Variants in PNOC observed in about 807,000 individuals in gnomAD.
PNOC encodes prepronociceptin.
PNOC carries 10 observed loss-of-function variants against 15.6 expected under a neutral mutation model. The ratio of observed to expected loss-of-function variants is 0.64; its 90% confidence interval spans 0.40 to 1.09. The LOEUF is 1.09. Among genes scored for constraint, PNOC ranks in the 50% least tolerant of loss-of-function variants. The probability of loss-of-function intolerance (pLI) is 0.01; values close to 1 mark genes in which losing one functional copy is unlikely to be tolerated. For synonymous variants in PNOC, 98 were observed against 88.5 expected (o/e 1.11, Z -0.60); for missense variants, 220 against 223.9 (o/e 0.98, Z 0.11).
chr8:28,338,690 G>T (rs1430533156), intron 2 of PNOC: 1 of 1,029,166 alleles, frequency 9.7e-7, no homozygotes, highest in Non-Finnish European at 1.2e-6. Flanking sequence ...CATGAGCTGT[G>T]CTTGGCTCCA....
intron 1 of PNOC, among the ~76,000 whole-genome samples, chr8:28,321,645 T>C (rs1801154028): frequency 1.3e-5 from 2 of 152,186 alleles, no homozygotes; most frequent in Non-Finnish European, 2.9e-5. Context: ...CCTCTTCTTA[T>C]AGAGGGAAAA....
At chr8:28,322,468 C>A (rs1418508297) in intron 1 of PNOC, among the ~76,000 whole-genome samples, 1 of 152,102 alleles carries the variant, frequency 6.6e-6, no homozygotes, top group Non-Finnish European at 1.5e-5. Context: ...CAAGAGGAAG[C>A]CCTACATGAA....
chr8:28,318,844 C>G lies in PNOC; in HGVS notation c.-24+1528C>G, dbSNP rs544160812. Among the ~76,000 whole-genome samples, 10 of 152,354 alleles carry G rather than the reference C, an allele frequency of 6.6e-5. No homozygotes were observed. The South Asian group carries it at 2.1e-3, about 32-fold the overall frequency. ...CAGCCCCTGCTTTATCAGCTGAAGG[C>G]TGAGAGTACTTACGGATTTGTAAAA... On this transcript the variant is annotated intron_variant, in intron 1 of 3. Transcript: ENST00000301908.
At position 28,327,140 on chromosome 8, in the gene PNOC, C is replaced by A. The variant is rs192444657; in HGVS notation, c.-23-1995C>A. Among the ~76,000 whole-genome samples the A allele has an allele frequency of 1.6e-4, 25 of 152,314 alleles. 1 individual carries two copies. In the East Asian group the frequency reaches 4.0e-3, roughly 25 times the overall value. ...GTTTTGGCAAATGGATACACCCCTGCGACTTCAGTCAAGAACATTTACATT... is the reference window on the plus strand; with the variant it reads ...GTTTTGGCAAATGGATACACCCCTGAGACTTCAGTCAAGAACATTTACATT... On this transcript the variant is annotated intron_variant, in intron 1 of 3. Transcript: ENST00000301908.
At chr8:28,328,888 C>G (rs1163553537) in intron 1 of PNOC, among the ~76,000 whole-genome samples, 3 of 152,054 alleles carry the variant, frequency 2.0e-5, no homozygotes, top group African/African-American at 7.2e-5. Flanking sequence ...GTCCTGCCAC[C>G]CAGGACTAAC....
intron 1 of PNOC, among the ~76,000 whole-genome samples, chr8:28,325,514 G>A (rs1801210076): frequency 6.6e-6 from 1 of 151,870 alleles, no homozygotes; most frequent in African/African-American, 2.4e-5. Flanking sequence ...TTAGCTGGAT[G>A]TGGTGGTGTG....
intron 2 of PNOC, among the ~76,000 whole-genome samples, chr8:28,333,866 C>A (rs905645013): frequency 2.0e-5 from 3 of 152,194 alleles, no homozygotes; most frequent in South Asian, 2.1e-4. Flanking sequence ...CCAGCTCCCC[C>A]ACTCTACCCT....
At chr8:28,342,875 G>T (rs1801548223) in intron 3 of PNOC, 67 bp from the exon 4 acceptor site, 1 of 583,518 alleles carries the variant, frequency 1.7e-6, no homozygotes. Context: ...TCCGTCTCTA[G>T]GGGGAATAGA....
chr8:28,333,988 G>C (rs1368283305), intron 2 of PNOC, among the ~76,000 whole-genome samples: 1 of 151,944 alleles, frequency 6.6e-6, no homozygotes, highest in Non-Finnish European at 1.5e-5. Context: ...ATTATTTGTT[G>C]TGGGGGTTGT....
chr8:28,330,399 T>TTATTTTATTTTTTTTTTTTTTTTA (rs796269575), intron 2 of PNOC, among the ~76,000 whole-genome samples: 3 of 104,102 alleles, frequency 2.9e-5, no homozygotes, highest in Non-Finnish European at 4.3e-5. Flanking sequence ...TTATTTTATT[T>TTATTTTATTTTTTTTTTTTTTTTA]TTTTTTTTTT....
chr8:28,328,634 G>T (rs1801266027), intron 1 of PNOC, among the ~76,000 whole-genome samples: 1 of 152,110 alleles, frequency 6.6e-6, no homozygotes. Flanking sequence ...ACAGCACTTT[G>T]CAAAACTCCC....
chr8:28,322,039 C>T (rs1394937915), intron 1 of PNOC, among the ~76,000 whole-genome samples: 2 of 152,186 alleles, frequency 1.3e-5, no homozygotes, highest in African/African-American at 4.8e-5. Context: ...GATGGACATG[C>T]AGCTGGTGCA....
chr8:28,330,702 T>A (rs1801318938), intron 2 of PNOC, among the ~76,000 whole-genome samples: 3 of 151,808 alleles, frequency 2.0e-5, no homozygotes, highest in African/African-American at 2.4e-5. Flanking sequence ...ACGCCTGGCC[T>A]GTGCTCTTTA....
intron 2 of PNOC, among the ~76,000 whole-genome samples, chr8:28,332,670 G>A (rs1012897218): frequency 1.3e-5 from 2 of 152,094 alleles, no homozygotes; most frequent in African/African-American, 2.4e-5. Flanking sequence ...CTAAAATTTG[G>A]CCTGGTGCAG....
chr8:28,324,857 C>G (rs575069483), intron 1 of PNOC, among the ~76,000 whole-genome samples: 1 of 152,106 alleles, frequency 6.6e-6, no homozygotes, highest in South Asian at 2.1e-4. Context: ...AGTGAAACAT[C>G]GTCTCAAAAA....
At chr8:28,322,378 C>T (rs748959304) in intron 1 of PNOC, among the ~76,000 whole-genome samples, 3 of 151,890 alleles carry the variant, frequency 2.0e-5, no homozygotes, top group African/African-American at 4.8e-5. Flanking sequence ...GGCAACAGAG[C>T]GAGACTCCAT....
Position 28,339,399 on chromosome 8 carries a change from G to A in PNOC, c.486G>A (p.Gln162=). The A allele has an allele frequency of 6.4e-7, 1 of 1,560,324 alleles. No individual in the cohort carries two copies. Among genetic ancestry groups the A allele is most frequent in the Non-Finnish European group, 8.7e-7 (1 of 1,147,666 alleles). Residue 162 remains glutamine, a synonymous_variant, in exon 3 of 4, where the codon CAG becomes CAA. Transcript: ENST00000301908. ...GGCAATACTTGGTCCTGAGCATGCA[G>A]TCCAGCCAGCGCCGGCGCACCCTGC... ...FMRQYLVLSM[Q]SSQRRRTLHQ... is the part of the protein sequence containing the mutation.
At position 28,329,163 on chromosome 8, in the gene PNOC, A is replaced by G. The variant is rs1341349333; in HGVS notation, c.6A>G (p.Lys2=). Residue 2 remains lysine (K), a synonymous_variant, in exon 2 of 4, where the codon AAA becomes AAG. Transcript: ENST00000301908. The part of the protein sequence containing the change: M[K]VLLCDLLLLS... ...CTGCTTCCTGCTCCTGCACCATGAAAGTCCTGCTTTGTGACCTGCTGCTGC... is the reference window on the plus strand; with the variant it reads ...CTGCTTCCTGCTCCTGCACCATGAAGGTCCTGCTTTGTGACCTGCTGCTGC... 6.2e-7 allele frequency: 1 copy of G among 1,613,384 alleles called. No individual in the cohort carries two copies. The highest frequency in any genetic ancestry group is 1.3e-5 in the African/African-American group (1 of 74,818).
At chr8:28,317,700 C>T (rs1350748700) in intron 1 of PNOC, among the ~76,000 whole-genome samples, 1 of 151,882 alleles carries the variant, frequency 6.6e-6, no homozygotes, top group Non-Finnish European at 1.5e-5. Context: ...TTCCACGGGG[C>T]GGCCCCCAGG....
Sources: gnomAD v4.1 joint callset for allele counts (sites outside exome capture counted in the v4.1 genomes callset) on GRCh38, gnomAD v4.1.1 for gene constraint, MANE v1.5 for transcripts, NCBI Gene and HGNC (gene_info 2026-07-23, HGNC 2026-07-21) for gene names.